The following PRSS23 variants were observed in gnomAD, a reference collection of about 807,000 sequenced individuals.
PRSS23 encodes the protein serine protease 23, also known as protease, serine 23.
Under a neutral mutation model 34.7 loss-of-function variants are expected in PRSS23, and 25 were observed. The observed-to-expected ratio is 0.72, with a 90% CI of 0.53 to 1.01. PRSS23 has a LOEUF of 1.01. PRSS23 is among the 50% of genes least tolerant of loss of function. The pLI is 0.00. For synonymous variants in PRSS23, 176 were observed against 186.6 expected, an observed-to-expected ratio of 0.94 and a Z score of 0.46; for missense variants, 445 against 475.6, an observed-to-expected ratio of 0.94 and a Z score of 0.60.
At chr11:86,802,987 A>G (rs1948058056) in intron 1 of PRSS23, among the ~76,000 whole-genome samples, 1 of 152,238 alleles carries the variant, frequency 6.6e-6, no homozygotes, top group Non-Finnish European at 1.5e-5. Flanking sequence ...TATGAATCAG[A>G]TACCCAAAGC....
chr11:86,828,244 C>T (rs545430013), intron 2 of PRSS23, among the ~76,000 whole-genome samples: 3,509 of 152,170 alleles, frequency 0.023, 148 homozygotes, highest in African/African-American at 0.079. Context: ...TTTACTATTA[C>T]GTAATGGCCT....
At chr11:86,898,497 C>T (rs1025509547) in intron 2 of PRSS23, among the ~76,000 whole-genome samples, 5 of 152,180 alleles carry the variant, frequency 3.3e-5, no homozygotes, top group African/African-American at 1.2e-4. Context: ...GAAGGAGTCT[C>T]TTTGAGAATT....
intron 2 of PRSS23, among the ~76,000 whole-genome samples, chr11:86,862,520 G>C (rs960552298): frequency 6.6e-6 from 1 of 151,898 alleles, no homozygotes; most frequent in Admixed American, 6.6e-5. Context: ...AATATCCTAA[G>C]AGTATGTTAT....
rs189899060 is a variant in PRSS23 at position 86,846,015 on chromosome 11, C to T, written c.206+22422C>T. Among the ~76,000 whole-genome samples the T allele has an allele frequency of 2.2e-3, 336 of 152,338 alleles. 3 individuals carry two copies. The highest frequency in any genetic ancestry group is 3.2e-3 in the Non-Finnish European group (216 of 68,042). On this transcript the variant is annotated intron_variant, in intron 2 of 2. Transcript: ENST00000533902. ...CTGCCTTTGTTTCTCAATCTGGTAACATCTTCCCACCACACATATTTCCTG... is the reference window on the plus strand; with the variant it reads ...CTGCCTTTGTTTCTCAATCTGGTAATATCTTCCCACCACACATATTTCCTG...
At chr11:86,929,113 G>A (rs557304463) in intron 2 of PRSS23, among the ~76,000 whole-genome samples, 7 of 152,018 alleles carry the variant, frequency 4.6e-5, no homozygotes, top group African/African-American at 7.2e-5. Context: ...CCTGAGGTTG[G>A]GAGTTCAGGA....
At chr11:86,947,916 A>G (rs1173525125) in intron 2 of PRSS23, 1 of 152,280 alleles carries the variant, frequency 6.6e-6, no homozygotes, top group Non-Finnish European at 1.5e-5. Context: ...TCAGAGAAAG[A>G]AAAACAACCC....
intron 2 of PRSS23, among the ~76,000 whole-genome samples, chr11:86,899,939 A>C (rs574843338): frequency 6.6e-6 from 1 of 152,084 alleles, no homozygotes; most frequent in Non-Finnish European, 1.5e-5. Context: ...TTTTTAAAAG[A>C]TGTTTTTAGT....
At chr11:86,941,181 TC>T (rs1438046391) in intron 2 of PRSS23, among the ~76,000 whole-genome samples, 1 of 152,238 alleles carries the variant, frequency 6.6e-6, no homozygotes, top group Non-Finnish European at 1.5e-5. Context: ...AGCAGATGTG[TC>T]CTTTGAGGGG....
chr11:86,907,505 C>T (rs930347819), intron 2 of PRSS23, among the ~76,000 whole-genome samples: 4 of 152,052 alleles, frequency 2.6e-5, no homozygotes, highest in African/African-American at 9.7e-5. Context: ...ATCACTCTGT[C>T]ACCCAGGCTA....
intron 2 of PRSS23, chr11:86,857,534 A>C (rs1472962502): frequency 4.3e-6 from 2 of 466,072 alleles, no homozygotes; most frequent in African/African-American, 4.0e-5. Context: ...CCAGCTGTGC[A>C]GCTGGGAATC....
chr11:86,833,122 C>G (rs1948373743), intron 2 of PRSS23: 1 of 673,578 alleles, frequency 1.5e-6, no homozygotes, highest in East Asian at 3.0e-5. Flanking sequence ...AGGAGCATGT[C>G]TTTCTTCCAT....
chr11:86,885,071 T>G (rs77450693), intron 2 of PRSS23, among the ~76,000 whole-genome samples: 7,760 of 152,336 alleles, frequency 0.051, 237 homozygotes, highest in Middle Eastern at 0.13. Context: ...GACATTTATT[T>G]TATTTATCTC....
intron 2 of PRSS23, among the ~76,000 whole-genome samples, chr11:86,892,575 T>C (rs1473799895): frequency 1.3e-5 from 2 of 152,170 alleles, no homozygotes; most frequent in Non-Finnish European, 2.9e-5. Flanking sequence ...TGGAAAACCA[T>C]GTGTTTGGAA....
At chr11:86,882,626 A>G (rs765838019) in intron 2 of PRSS23, among the ~76,000 whole-genome samples, 15 of 152,108 alleles carry the variant, frequency 9.9e-5, no homozygotes, top group Non-Finnish European at 1.9e-4. Flanking sequence ...GGTTGATTCC[A>G]TGTCTTTGCT....
In PRSS23 at chr11:86,870,847, T is replaced by G. The variant is rs577008214; in HGVS notation, c.206+47254T>G. Among the ~76,000 whole-genome samples the G allele has an allele frequency of 8.5e-5, 13 of 152,316 alleles. 1 individual carries two copies. In the South Asian group the frequency reaches 2.5e-3, roughly 29 times the overall value. Reference sequence around the variant, plus strand: ...TTTCAGTTCTACAATTGTCATTTGGTTTTTATAGTTTTAATTGTTGAGCTA... The same window carrying G: ...TTTCAGTTCTACAATTGTCATTTGGGTTTTATAGTTTTAATTGTTGAGCTA... On this transcript the variant is annotated intron_variant, in intron 2 of 2. Transcript: ENST00000533902.
intron 2 of PRSS23, chr11:86,947,449 G>A (rs551452127): frequency 3.3e-5 from 5 of 152,406 alleles, no homozygotes; most frequent in African/African-American, 1.2e-4. Context: ...CCATGAGGAT[G>A]AGGGGAGCCA....
intron 1 of PRSS23, among the ~76,000 whole-genome samples, chr11:86,793,281 TTGA>T (rs1378563868): frequency 6.6e-6 from 1 of 152,246 alleles, no homozygotes; most frequent in Non-Finnish European, 1.5e-5. Flanking sequence ...AGGCAATTTA[TTGA>T]CCTCTTCCAG....
chr11:86,804,417 T>C (rs1211185385), intron 1 of PRSS23, among the ~76,000 whole-genome samples: 1 of 152,218 alleles, frequency 6.6e-6, no homozygotes, highest in Non-Finnish European at 1.5e-5. Context: ...TTAAGCAAGA[T>C]ATATAATGCT....
At chr11:86,824,734 C>T (rs57256139) in intron 2 of PRSS23, among the ~76,000 whole-genome samples, 1,914 of 149,422 alleles carry the variant, frequency 0.013, 33 homozygotes, top group African/African-American at 0.045. Context: ...GCAGTGTTTG[C>T]TTTTTTGTTC....
Sources: allele counts gnomAD v4.1 joint callset (sites outside exome capture counted in the v4.1 genomes callset), GRCh38; gene constraint gnomAD v4.1.1; transcripts MANE v1.5; gene names NCBI Gene and HGNC (gene_info 2026-07-23, HGNC 2026-07-21).